The following PARP12 variants were observed in gnomAD, a reference collection of about 807,000 sequenced individuals.
PARP12 encodes the protein protein mono-ADP-ribosyltransferase PARP12.
In PARP12, 59 loss-of-function variants were observed where a neutral mutation model predicts 72.4. The observed-to-expected ratio is 0.81, with a 90% CI of 0.66 to 1.01. The LOEUF (loss-of-function observed/expected upper bound fraction) is 1.01, where lower values mean the gene tolerates loss of function less well. Ranked by LOEUF, PARP12 falls within the 50% of genes least tolerant of loss-of-function variation. PARP12 has a pLI of 0.00. For missense variants in PARP12, 851 were observed against 914.0 expected, an observed-to-expected ratio of 0.93 and a Z score of 0.89; for synonymous variants, 403 against 371.4, an observed-to-expected ratio of 1.09 and a Z score of -0.98.
chr7:140,048,992 T>C (rs145062301), intron 4 of PARP12, among the ~76,000 whole-genome samples: 78 of 152,328 alleles, frequency 5.1e-4, no homozygotes, highest in African/African-American at 1.8e-3. Flanking sequence ...TATTTCAAAA[T>C]AATAATGAAA....
intron 9 of PARP12, 98 bp from the exon 10 acceptor site, chr7:140,027,504 C>T: frequency 2.1e-6 from 3 of 1,455,636 alleles, no homozygotes; most frequent in Non-Finnish European, 2.8e-6. Context: ...ACCGCAGAAG[C>T]ACAAAAGCCC....
chr7:140,039,199 G>A (rs1001519226), intron 6 of PARP12, among the ~76,000 whole-genome samples: 1 of 152,210 alleles, frequency 6.6e-6, no homozygotes, highest in South Asian at 2.1e-4. Context: ...GAGTCCGGGA[G>A]GAAGAGGATG....
At chr7:140,033,726 C>T in intron 8 of PARP12, 1 of 990,152 alleles carries the variant, frequency 1.0e-6, no homozygotes, top group Non-Finnish European at 1.2e-6. Context: ...ACAGGCTAAC[C>T]TGGTGGCTCC....
intron 6 of PARP12, among the ~76,000 whole-genome samples, chr7:140,038,584 A>C (rs1816318628): frequency 6.6e-6 from 1 of 152,236 alleles, no homozygotes. Context: ...TAAATAAGGC[A>C]TGTGGAGCAC....
At position 140,026,258 on chromosome 7, in the gene PARP12, G is replaced by A. The variant is rs2116510480; in HGVS notation, c.1719C>T (p.Ala573=). The part of the protein sequence containing the change: ...FHGTSAIFVD[A]ICQQNFDWRV... Reference sequence around the variant, plus strand: ...GCCAGTCAAAGTTCTGCTGGCAGATGGCGTCCACAAAAATGGCGCTGGTGC... The same window carrying A: ...GCCAGTCAAAGTTCTGCTGGCAGATAGCGTCCACAAAAATGGCGCTGGTGC... Residue 573 remains alanine (A), a synonymous_variant, in exon 11 of 12, where the codon GCC becomes GCT. Transcript: ENST00000263549. 1 of 1,614,048 alleles carries A rather than the reference G, an allele frequency of 6.2e-7. No homozygotes were observed. Among genetic ancestry groups the A allele is most frequent in the South Asian group, 1.1e-5 (1 of 91,088 alleles).
chr7:140,057,744 A>C (rs1449950375), intron 2 of PARP12, 155 bp downstream of exon 2: 3 of 1,097,290 alleles, frequency 2.7e-6, no homozygotes, highest in Non-Finnish European at 3.8e-6. Flanking sequence ...CTTGAACTTC[A>C]CTGCTCCTTC....
chr7:140,042,319 T>C (rs1301753543), intron 5 of PARP12, among the ~76,000 whole-genome samples: 1 of 152,242 alleles, frequency 6.6e-6, no homozygotes. Context: ...TGAAGAAACC[T>C]GTTCAAGGTC....
At chr7:140,061,850 G>C (rs1283700285) in intron 1 of PARP12, among the ~76,000 whole-genome samples, 1 of 151,742 alleles carries the variant, frequency 6.6e-6, no homozygotes, top group Admixed American at 6.6e-5. Context: ...AGTAAGGGGA[G>C]GAAAAATCCT....
rs375861310 is a variant in PARP12, at chr7:140,058,293, C to T, written c.327-259G>A. Among the ~76,000 whole-genome samples the T allele has an allele frequency of 2.0e-4, 30 of 152,206 alleles. No individual in the cohort carries two copies. In the East Asian group the frequency reaches 3.1e-3, roughly 16 times the overall value. On this transcript the variant is annotated intron_variant, in intron 1 of 11. Coordinates refer to ENST00000263549, the MANE Select transcript of PARP12 (RefSeq NM_022750.4). ...TTGGGAGGCCGAGGCAGGAGGATCA[C>T]GAGGTCAGGAGATTGAGACCATCCT...
intron 4 of PARP12, among the ~76,000 whole-genome samples, chr7:140,052,511 T>A (rs1349489533): frequency 2.6e-5 from 4 of 152,200 alleles, no homozygotes; most frequent in African/African-American, 9.6e-5. Context: ...GAGTCACCAT[T>A]AATTTGATAT....
At chr7:140,054,513 C>T (rs1241413766) in intron 4 of PARP12, 149 bp downstream of exon 4, 1 of 611,142 alleles carries the variant, frequency 1.6e-6, no homozygotes, top group African/African-American at 1.8e-5. Context: ...AACAAAATAC[C>T]TTCAGAATTG....
rs192707719 is a variant in PARP12 at position 140,033,516 on chromosome 7, T to C, written c.1421+719A>G. ...TGGGCACTGTGGTCCCTCTCCACCA[T>C]GCAGGCCACCTTCCCCCAATATGTG... On this transcript the variant is annotated intron_variant, in intron 8 of 11. Transcript: ENST00000263549. 4.1e-6 allele frequency: 4 copies of C among 985,434 alleles called. No individual in the cohort carries two copies. In the African/African-American group the frequency reaches 7.0e-5, roughly 17 times the overall value. The allele number at this position is 985,434 out of a possible 1,614,324, so 61.0% of individuals were successfully genotyped here.
intron 11 of PARP12, chr7:140,025,684 AATTATT>A (rs745330611): frequency 2.3e-5 from 8 of 350,968 alleles, no homozygotes; most frequent in Admixed American, 1.1e-4. Flanking sequence ...GGTTTTTTTT[AATTATT>A]ATTATTCCAA....
At chr7:140,059,914 ATACT>A (rs1201579986) in intron 1 of PARP12, among the ~76,000 whole-genome samples, 2 of 152,196 alleles carry the variant, frequency 1.3e-5, no homozygotes, top group African/African-American at 4.8e-5. Flanking sequence ...CCTGAGTGGA[ATACT>A]TAAAGGGTGA....
chr7:140,062,715 G>A lies in PARP12; in HGVS notation c.133C>T (p.Gln45Ter). ...ACCGCCACCACGAAGCGCCCACGCT[G>A]CCGCAGCAGCCGCTCCAGCGCGTCG... ...SADALERLLR[Q>*]RGRFVVAVRA... Residue 45 changes from glutamine to a stop codon, truncating the protein, a stop_gained, in exon 1 of 12, where the codon CAG becomes TAG. Transcript: ENST00000263549. LOFTEE classifies it high-confidence loss of function. 3 of 1,346,110 alleles carry A rather than the reference G, an allele frequency of 2.2e-6. No homozygotes were observed. The highest frequency in any genetic ancestry group is 1.9e-6 in the Non-Finnish European group (2 of 1,042,432). 83.4% of individuals were successfully genotyped at this position (1,346,110 alleles called of 1,614,324 possible). A position where few individuals can be genotyped will look rare whatever the true frequency, so the allele number is the denominator to read the frequency against.
intron 6 of PARP12, 138 bp from the exon 7 acceptor site, chr7:140,037,994 G>A: frequency 6.9e-7 from 1 of 1,447,126 alleles, no homozygotes; most frequent in Admixed American, 2.6e-5. Flanking sequence ...CAGGGAGCAT[G>A]GTATGGCAGG....
At chr7:140,035,832 A>T (rs1246359078) in intron 7 of PARP12, among the ~76,000 whole-genome samples, 1 of 151,812 alleles carries the variant, frequency 6.6e-6, no homozygotes, top group East Asian at 1.9e-4. Flanking sequence ...GGTATCTACC[A>T]AAAGAAGGAG....
chr7:140,053,244 T>A (rs1367999650), intron 4 of PARP12, among the ~76,000 whole-genome samples: 1 of 152,212 alleles, frequency 6.6e-6, no homozygotes, highest in Non-Finnish European at 1.5e-5. Flanking sequence ...AATCATGCAA[T>A]GGAATACTAC....
At chr7:140,053,550 T>C (rs1817051833) in intron 4 of PARP12, among the ~76,000 whole-genome samples, 1 of 152,196 alleles carries the variant, frequency 6.6e-6, no homozygotes, top group Non-Finnish European at 1.5e-5. Context: ...AAACTCAGTA[T>C]ACATTTAAAA....
Sources: gnomAD v4.1 joint callset for allele counts (sites outside exome capture counted in the v4.1 genomes callset) on GRCh38, gnomAD v4.1.1 for gene constraint, MANE v1.5 for transcripts, NCBI Gene and HGNC (gene_info 2026-07-23, HGNC 2026-07-21) for gene names.